ANKRD17: variants seen among roughly 807,000 people sequenced by gnomAD.
The protein encoded by ANKRD17 is ankyrin repeat domain 17, also known as ankyrin repeat domain-containing protein 17.
ANKRD17 carries 19 observed loss-of-function variants against 229.7 expected under a neutral mutation model. The ratio of observed to expected loss-of-function variants is 0.08; its 90% CI spans 0.06 to 0.12. The LOEUF is 0.12. Among genes scored for constraint, ANKRD17 ranks in the 10% least tolerant of loss-of-function variants. The probability of loss-of-function intolerance (pLI) is 1.00; values close to 1 mark genes in which losing one functional copy is unlikely to be tolerated. For missense variants in ANKRD17, 2,176 were observed against 3,176.8 expected, an observed-to-expected ratio of 0.68 and a Z score of 7.57; for synonymous variants, 1,112 against 1,146.1, an observed-to-expected ratio of 0.97 and a Z score of 0.60.
At position 73,144,879 on chromosome 4, in the gene ANKRD17, C is replaced by G. The variant is rs186328622; in HGVS notation, c.1870-47G>C. 4.6e-5 allele frequency: 60 copies of G among 1,294,436 alleles called. 1 individual carries two copies. The highest frequency in any genetic ancestry group is 3.7e-5 in the Non-Finnish European group (35 of 943,290). The allele number at this position is 1,294,436 out of a possible 1,614,324, so 80.2% of individuals were successfully genotyped here. Reference sequence around the variant, plus strand: ...GACTTGACATTTAATTGCCAGTGAACAAGTATTCTTTTTCATGGAAATCAA... The same window carrying G: ...GACTTGACATTTAATTGCCAGTGAAGAAGTATTCTTTTTCATGGAAATCAA... On this transcript the variant is annotated intron_variant, in intron 10 of 33. Coordinates refer to ENST00000358602, the MANE Select transcript of ANKRD17 (RefSeq NM_032217.5).
At chr4:73,211,075 T>G (rs1397190703) in intron 1 of ANKRD17, among the ~76,000 whole-genome samples, 1 of 152,154 alleles carries the variant, frequency 6.6e-6, no homozygotes, top group Non-Finnish European at 1.5e-5. Context: ...ATGACTTTTT[T>G]TTAACTTAAA....
At chr4:73,109,612 A>G (rs995076549) in intron 24 of ANKRD17, among the ~76,000 whole-genome samples, 1 of 152,314 alleles carries the variant, frequency 6.6e-6, no homozygotes. Flanking sequence ...AATGAATGGA[A>G]GACTAAATTA....
At chr4:73,108,652 T>C (rs1339000653) in intron 24 of ANKRD17, among the ~76,000 whole-genome samples, 2 of 152,152 alleles carry the variant, frequency 1.3e-5, no homozygotes, top group African/African-American at 2.4e-5. Flanking sequence ...ATATGAAAGT[T>C]ACTGGAAACC....
chr4:73,153,225 A>T (rs1316108431), intron 6 of ANKRD17, among the ~76,000 whole-genome samples: 1 of 152,208 alleles, frequency 6.6e-6, no homozygotes, highest in African/African-American at 2.4e-5. Context: ...TTTATGACGT[A>T]AATAATATGG....
chr4:73,078,402 G>C (rs910776146), intron 31 of ANKRD17, among the ~76,000 whole-genome samples: 10 of 152,114 alleles, frequency 6.6e-5, no homozygotes, highest in Admixed American at 1.3e-4. Flanking sequence ...GCTGGGCATG[G>C]TGGCGCATGC....
At chr4:73,232,526 T>C (rs1743141457) in intron 1 of ANKRD17, among the ~76,000 whole-genome samples, 1 of 152,164 alleles carries the variant, frequency 6.6e-6, no homozygotes, top group Non-Finnish European at 1.5e-5. Flanking sequence ...TGTAAGCCAG[T>C]CAAGAAAGAA....
At chr4:73,175,055 C>T (rs1560654430) in intron 2 of ANKRD17, among the ~76,000 whole-genome samples, 2 of 152,138 alleles carry the variant, frequency 1.3e-5, no homozygotes, top group African/African-American at 4.8e-5. Context: ...ACATTATTTA[C>T]AGAAGTAGAA....
rs1188921500 is a variant in ANKRD17, at chr4:73,105,632, AAAG to A, written c.4402-3088_4402-3086del. 3.3e-5 allele frequency among the ~76,000 whole-genome samples: 5 copies of A among 152,238 alleles called. No homozygotes were observed. In the East Asian group the frequency reaches 7.7e-4, roughly 23 times the overall value. On this transcript the variant is annotated intron_variant, in intron 24 of 33. Transcript: ENST00000358602. ...AGAAACAAAAAATAAAATTTAAAAAAAAGAAGGATTTGTCAGTTAAGATGCCAT... is the reference window on the plus strand; with the variant it reads ...AGAAACAAAAAATAAAATTTAAAAAAAAGGATTTGTCAGTTAAGATGCCAT...
At chr4:73,186,348 T>C (rs1736289229) in intron 1 of ANKRD17, among the ~76,000 whole-genome samples, 1 of 152,062 alleles carries the variant, frequency 6.6e-6, no homozygotes, top group African/African-American at 2.4e-5. Context: ...AAAAACCCAC[T>C]TAAAGAAATA....
chr4:73,212,985 C>T (rs969214024), intron 1 of ANKRD17, among the ~76,000 whole-genome samples: 12 of 147,730 alleles, frequency 8.1e-5, no homozygotes, highest in Admixed American at 1.4e-4. Context: ...CAAGATCACA[C>T]CACTGCACTC....
At chr4:73,248,375 T>C (rs529660632) in intron 1 of ANKRD17, among the ~76,000 whole-genome samples, 5 of 152,060 alleles carry the variant, frequency 3.3e-5, no homozygotes, top group East Asian at 1.9e-4. Flanking sequence ...AAAATGAACA[T>C]AGATGCCCCA....
At chr4:73,127,839 T>TA (rs1271469783) in intron 16 of ANKRD17, among the ~76,000 whole-genome samples, 3 of 152,174 alleles carry the variant, frequency 2.0e-5, no homozygotes, top group African/African-American at 7.2e-5. Flanking sequence ...TCCCAGAATG[T>TA]AAATAACTCT....
chr4:73,250,304 C>G (rs1441735313), intron 1 of ANKRD17, among the ~76,000 whole-genome samples: 1 of 151,934 alleles, frequency 6.6e-6, no homozygotes, highest in Non-Finnish European at 1.5e-5. Context: ...CACCATATAT[C>G]AAAATTGTTT....
At position 73,141,863 on chromosome 4, in the gene ANKRD17, G is replaced by A. The variant is rs1423465734; in HGVS notation, c.2230-20C>T. 6.5e-7 allele frequency: 1 copy of A among 1,545,564 alleles called. No homozygotes were observed. Among genetic ancestry groups the A allele is most frequent in the Admixed American group, 1.7e-5 (1 of 59,352 alleles). On this transcript the variant is annotated intron_variant, in intron 13 of 33. Coordinates refer to ENST00000358602, the MANE Select transcript of ANKRD17 (RefSeq NM_032217.5). ...AGGAGCCTAAGACAAAGGACACTAA[G>A]TGACTATTAGTGTCCTACACAATCC...
chr4:73,160,829 TA>T (rs1378665022), intron 3 of ANKRD17, among the ~76,000 whole-genome samples: 2 of 152,212 alleles, frequency 1.3e-5, no homozygotes, highest in Non-Finnish European at 2.9e-5. Flanking sequence ...GGCCTAATTG[TA>T]AAACATTTAC....
chr4:73,120,252 T>G lies in ANKRD17; in HGVS notation c.3935A>C (p.Asn1312Thr). 6.2e-7 allele frequency: 1 copy of G among 1,614,054 alleles called. No homozygotes were observed. Among genetic ancestry groups the G allele is most frequent in the Non-Finnish European group, 8.5e-7 (1 of 1,179,996 alleles). ...RVLLDKGADVNAPPVPSSRDT... is the reference protein window; with the variant it reads ...RVLLDKGADVTAPPVPSSRDT... ...TCTTGAGGAGGGAACTGGAGGGGCA[T>G]TAACATCAGCACCTTTATCCAAAAG... is the stretch of plus-strand genomic sequence containing the variant. Residue 1312 changes from asparagine (N) to threonine (T), a missense_variant, in exon 21 of 34, where the codon AAT (asparagine) becomes ACT (threonine). Around this residue, in one of 18 missense-constraint regions of ANKRD17, gnomAD observed 178 missense variants for 421.7 expected, o/e 0.42. Transcript: ENST00000358602.
intron 16 of ANKRD17, among the ~76,000 whole-genome samples, chr4:73,125,922 A>G (rs1727405494): frequency 6.6e-6 from 1 of 152,180 alleles, no homozygotes; most frequent in African/African-American, 2.4e-5. Flanking sequence ...AACATAGATC[A>G]GATTTATTTT....
chr4:73,207,243 G>C (rs1739589665), intron 1 of ANKRD17, among the ~76,000 whole-genome samples: 1 of 151,948 alleles, frequency 6.6e-6, no homozygotes, highest in South Asian at 2.1e-4. Flanking sequence ...ATATCATGTT[G>C]TACACCAAAA....
chr4:73,233,001 G>A (rs1168681168), intron 1 of ANKRD17, among the ~76,000 whole-genome samples: 1 of 152,168 alleles, frequency 6.6e-6, no homozygotes, highest in Non-Finnish European at 1.5e-5. Context: ...GGGATTATAA[G>A]CATGAGCCTC....
Sources: allele counts gnomAD v4.1 joint callset (sites outside exome capture counted in the v4.1 genomes callset), GRCh38; gene constraint gnomAD v4.1.1; regional missense constraint gnomAD v4.1.1; transcripts MANE v1.5; gene names NCBI Gene and HGNC (gene_info 2026-07-23, HGNC 2026-07-21).